SUGCT: variants seen among roughly 807,000 people sequenced by gnomAD.
SUGCT encodes the protein succinyl-CoA:glutarate CoA-transferase.
In SUGCT, 41 loss-of-function variants were observed where a neutral mutation model predicts 55.0. That is an observed-to-expected ratio of 0.74 (90% CI 0.58 to 0.97). SUGCT has a LOEUF of 0.97. Among genes scored for constraint, SUGCT ranks in the 50% least tolerant of loss-of-function variants. The pLI, the probability that SUGCT is intolerant of heterozygous loss-of-function variation, is 0.00. For synonymous variants in SUGCT, 187 were observed against 200.4 expected, an observed-to-expected ratio of 0.93 and a Z score of 0.56; for missense variants, 568 against 547.8, an observed-to-expected ratio of 1.04 and a Z score of -0.37.
chr7:40,781,196 T>G (rs184764774), intron 13 of SUGCT, among the ~76,000 whole-genome samples: 7 of 152,286 alleles, frequency 4.6e-5, no homozygotes, highest in Non-Finnish European at 7.4e-5. Flanking sequence ...ATACCCAAGA[T>G]AGTTATTCTC....
intron 12 of SUGCT, among the ~76,000 whole-genome samples, chr7:40,553,172 A>G (rs906706255): frequency 6.6e-6 from 1 of 152,184 alleles, no homozygotes; most frequent in Non-Finnish European, 1.5e-5. Flanking sequence ...TTCTGAGTTT[A>G]CTTTTGTCAT....
At chr7:40,789,934 T>G (rs2128744206) in intron 13 of SUGCT, among the ~76,000 whole-genome samples, 1 of 152,244 alleles carries the variant, frequency 6.6e-6, no homozygotes, top group Admixed American at 6.5e-5. Context: ...CCTTGACTAG[T>G]AATGCCCCAG....
At chr7:40,460,784 C>T (rs1472444097) in intron 11 of SUGCT, among the ~76,000 whole-genome samples, 2 of 152,182 alleles carry the variant, frequency 1.3e-5, no homozygotes, top group Non-Finnish European at 2.9e-5. Flanking sequence ...CAACCTTCTT[C>T]TTTCTGTTCT....
intron 12 of SUGCT, among the ~76,000 whole-genome samples, chr7:40,615,193 T>C (rs1487701993): frequency 1.3e-5 from 2 of 152,164 alleles, no homozygotes; most frequent in African/African-American, 2.4e-5. Context: ...ATTCCATCTA[T>C]AGTCAGATTG....
chr7:40,240,298 A>C lies in SUGCT; in HGVS notation c.576+2572A>C, dbSNP rs891503849. On this transcript the variant is annotated intron_variant, in intron 7 of 13. Coordinates refer to ENST00000335693, the MANE Select transcript of SUGCT (RefSeq NM_001193313.2). Reference sequence around the variant, plus strand: ...CGGGAGTTCGAGACCAGCCTGATCAACATGGAGAAACCCCATCTGTACTAA... The same window carrying C: ...CGGGAGTTCGAGACCAGCCTGATCACCATGGAGAAACCCCATCTGTACTAA... 4.6e-5 allele frequency among the ~76,000 whole-genome samples: 7 copies of C among 152,308 alleles called. No individual in the cohort carries two copies. In the East Asian group the frequency reaches 1.4e-3, roughly 29 times the overall value.
intron 12 of SUGCT, among the ~76,000 whole-genome samples, chr7:40,515,373 C>T (rs924559960): frequency 6.6e-6 from 1 of 152,074 alleles, no homozygotes; most frequent in Non-Finnish European, 1.5e-5. Context: ...GTAGATAATC[C>T]ACGGATTTTA....
chr7:40,626,812 T>C (rs945637429), intron 12 of SUGCT, among the ~76,000 whole-genome samples: 2 of 152,128 alleles, frequency 1.3e-5, no homozygotes, highest in Non-Finnish European at 1.5e-5. Flanking sequence ...TGCACAATCA[T>C]ACCTGCTTCT....
At chr7:40,496,737 A>ACCTCTGATCATATGATTATCTTAAT (rs1791997642) in intron 12 of SUGCT, among the ~76,000 whole-genome samples, 3 of 140,016 alleles carry the variant, frequency 2.1e-5, no homozygotes, top group Admixed American at 2.1e-4. Flanking sequence ...GAACTTTCAT[A>ACCTCTGATCATATGATTATCTTAAT]CCTCTGATCA....
chr7:40,840,992 T>C (rs1921756), intron 13 of SUGCT, among the ~76,000 whole-genome samples: 37,930 of 151,934 alleles, frequency 0.25, 5,713 homozygotes, highest in East Asian at 0.8. Flanking sequence ...TCACATAAAC[T>C]ATTTTATAAT....
chr7:40,738,111 C>T (rs1371656381), intron 12 of SUGCT, among the ~76,000 whole-genome samples: 6 of 148,816 alleles, frequency 4.0e-5, no homozygotes, highest in African/African-American at 1.2e-4. Flanking sequence ...GCAGGAGAAT[C>T]GCTTGAACTA....
intron 12 of SUGCT, among the ~76,000 whole-genome samples, chr7:40,501,000 CAG>C (rs1255906232): frequency 6.6e-6 from 1 of 152,070 alleles, no homozygotes; most frequent in Non-Finnish European, 1.5e-5. Flanking sequence ...TCATAGCCCT[CAG>C]AGGGTTATAC....
intron 8 of SUGCT, among the ~76,000 whole-genome samples, chr7:40,285,342 C>T (rs115021695): frequency 1.1e-3 from 168 of 152,084 alleles, no homozygotes; most frequent in African/African-American, 3.8e-3. Context: ...TTAATGATAT[C>T]GGAATCATAT....
intron 13 of SUGCT, chr7:40,793,328 A>G (rs1790403465): frequency 6.6e-6 from 1 of 152,116 alleles, no homozygotes; most frequent in East Asian, 1.9e-4. Context: ...CTTAATTTTA[A>G]TGACATTCTT....
chr7:40,324,791 C>G (rs974823482), intron 9 of SUGCT, among the ~76,000 whole-genome samples: 2 of 152,130 alleles, frequency 1.3e-5, no homozygotes, highest in Non-Finnish European at 2.9e-5. Context: ...GGGTAGTTGA[C>G]TTTCTGAGTA....
chr7:40,341,311 A>C (rs903574832), intron 9 of SUGCT, among the ~76,000 whole-genome samples: 1 of 152,216 alleles, frequency 6.6e-6, no homozygotes, highest in African/African-American at 2.4e-5. Flanking sequence ...AGCAAGAAAC[A>C]ATTTGTTTAG....
intron 8 of SUGCT, among the ~76,000 whole-genome samples, chr7:40,287,528 C>G (rs1375101368): frequency 6.7e-6 from 1 of 149,120 alleles, no homozygotes; most frequent in Non-Finnish European, 1.5e-5. Context: ...GTCAAGGTCT[C>G]TGTCTGTCAC....
chr7:40,657,503 A>T (rs893792586), intron 12 of SUGCT, among the ~76,000 whole-genome samples: 2 of 125,850 alleles, frequency 1.6e-5, no homozygotes, highest in South Asian at 5.3e-4. Context: ...TAATCTCGTG[A>T]GGTAGATTTT....
chr7:40,866,638 C>T, the SUGCT span, among the ~76,000 whole-genome samples: 4 of 151,766 alleles, frequency 2.6e-5, no homozygotes, highest in Non-Finnish European at 4.4e-5. Flanking sequence ...CTCAGAAACA[C>T]GACAGAGCCG....
chr7:40,660,599 A>G (rs1434014789), intron 12 of SUGCT, among the ~76,000 whole-genome samples: 1 of 152,040 alleles, frequency 6.6e-6, no homozygotes, highest in Non-Finnish European at 1.5e-5. Context: ...TGCACTCATC[A>G]GTTCTCAGAC....
Sources: allele counts gnomAD v4.1 joint callset (sites outside exome capture counted in the v4.1 genomes callset), GRCh38; gene constraint gnomAD v4.1.1; transcripts MANE v1.5; gene names NCBI Gene and HGNC (gene_info 2026-07-23, HGNC 2026-07-21).